KDM2A: variants seen among roughly 807,000 people sequenced by gnomAD.
KDM2A encodes the protein lysine-specific demethylase 2A.
In KDM2A, 3 loss-of-function variants were observed where a neutral mutation model predicts 137.3. The ratio of observed to expected loss-of-function variants is 0.02; its 90% CI spans 0.01 to 0.06. The LOEUF (loss-of-function observed/expected upper bound fraction) is 0.06. Ranked by LOEUF, KDM2A falls within the 10% of genes least tolerant of loss-of-function variation. The probability of loss-of-function intolerance (pLI) is 1.00; values close to 1 mark genes in which losing one functional copy is unlikely to be tolerated. For synonymous variants in KDM2A, 512 were observed against 541.5 expected, an observed-to-expected ratio of 0.95 and a Z score of 0.76; for missense variants, 738 against 1,510.6, an observed-to-expected ratio of 0.49 and a Z score of 8.48.
At chr11:67,223,893 G>T (rs1858448886) in intron 10 of KDM2A, among the ~76,000 whole-genome samples, 1 of 152,182 alleles carries the variant, frequency 6.6e-6, no homozygotes, top group East Asian at 1.9e-4. Context: ...CCTATTGGTT[G>T]TTGTCTCTCT....
chr11:67,203,521 A>G (rs1857710518), intron 5 of KDM2A, among the ~76,000 whole-genome samples: 1 of 147,794 alleles, frequency 6.8e-6, no homozygotes. Context: ...AATATAAAAT[A>G]TATAATAAAT....
At chr11:67,201,064 G>T (rs1224749213) in intron 5 of KDM2A, among the ~76,000 whole-genome samples, 1 of 151,784 alleles carries the variant, frequency 6.6e-6, no homozygotes, top group Non-Finnish European at 1.5e-5. Flanking sequence ...CGTGGTGGCG[G>T]GCGCTTGTAG....
At position 67,255,216 on chromosome 11, in the gene KDM2A, GGT is replaced by G; in HGVS notation, c.*163_*164del. The G allele has an allele frequency of 1.6e-6, 1 of 644,686 alleles. No individual in the cohort carries two copies. Among genetic ancestry groups the G allele is most frequent in the Non-Finnish European group, 2.7e-6 (1 of 374,410 alleles). The allele number at this position is 644,686 out of a possible 1,614,324, so 39.9% of individuals were successfully genotyped here. A position where few individuals can be genotyped will look rare whatever the true frequency, so the allele number is the denominator to read the frequency against. On this transcript the variant is annotated 3_prime_UTR_variant, in exon 21 of 21. Coordinates refer to ENST00000529006, the MANE Select transcript of KDM2A (RefSeq NM_012308.3). ...CCTCTACAGGTGGGGCAGAGAGGGT[GGT>G]GGACACCAGGCTTATCTGCCTGCTC...
chr11:67,227,712 AGGTGT>A (rs1428827557), intron 10 of KDM2A, among the ~76,000 whole-genome samples: 1 of 152,040 alleles, frequency 6.6e-6, no homozygotes, highest in Non-Finnish European at 1.5e-5. Flanking sequence ...TGGGATTACA[AGGTGT>A]GCACCACCAC....
At chr11:67,213,800 G>C (rs1159310630) in intron 6 of KDM2A, among the ~76,000 whole-genome samples, 2 of 150,708 alleles carry the variant, frequency 1.3e-5, no homozygotes, top group Non-Finnish European at 3.0e-5. Context: ...CATTATTTCA[G>C]ATTTTAAAAG....
At chr11:67,128,397 A>G (rs1178396365) in intron 2 of KDM2A, among the ~76,000 whole-genome samples, 1 of 151,080 alleles carries the variant, frequency 6.6e-6, no homozygotes. Context: ...TTTTTTTTCT[A>G]GTATGAAAGT....
intron 15 of KDM2A, among the ~76,000 whole-genome samples, chr11:67,246,471 C>T (rs1250746193): frequency 6.6e-6 from 1 of 151,904 alleles, no homozygotes. Context: ...CTTCAGTGTA[C>T]CTCTGGATAT....
chr11:67,170,936 A>G (rs1856868896), intron 2 of KDM2A, among the ~76,000 whole-genome samples: 1 of 152,212 alleles, frequency 6.6e-6, no homozygotes, highest in South Asian at 2.1e-4. Flanking sequence ...CCTGGGTTCT[A>G]GATCCTAGCC....
intron 10 of KDM2A, among the ~76,000 whole-genome samples, chr11:67,220,159 A>T (rs1345680114): frequency 6.6e-6 from 1 of 151,854 alleles, no homozygotes; most frequent in Non-Finnish European, 1.5e-5. Flanking sequence ...CTACAGGCAC[A>T]CGCCACCACA....
intron 5 of KDM2A, among the ~76,000 whole-genome samples, chr11:67,187,976 G>A (rs557505070): frequency 6.6e-6 from 1 of 151,988 alleles, no homozygotes; most frequent in East Asian, 1.9e-4. Context: ...AGGACTGCTT[G>A]AAGCCAGGAA....
chr11:67,206,306 C>T (rs1857803729), intron 5 of KDM2A, among the ~76,000 whole-genome samples: 1 of 152,202 alleles, frequency 6.6e-6, no homozygotes, highest in African/African-American at 2.4e-5. Context: ...TGGCACACGG[C>T]CATATTCCCA....
chr11:67,147,496 C>A (rs1158095516), intron 2 of KDM2A, among the ~76,000 whole-genome samples: 2 of 150,244 alleles, frequency 1.3e-5, no homozygotes, highest in Admixed American at 1.3e-4. Context: ...GAGCCGAGAT[C>A]GCGCCACTGC....
chr11:67,177,569 C>T (rs1006136547), intron 2 of KDM2A, among the ~76,000 whole-genome samples: 2 of 151,964 alleles, frequency 1.3e-5, no homozygotes, highest in African/African-American at 4.8e-5. Flanking sequence ...CACTGTCTTC[C>T]GCCTCCACAT....
At chr11:67,197,772 T>G (rs1239531354) in intron 5 of KDM2A, among the ~76,000 whole-genome samples, 2 of 152,152 alleles carry the variant, frequency 1.3e-5, no homozygotes, top group East Asian at 3.8e-4. Context: ...AAATGTGAAG[T>G]GCTTAGAACA....
chr11:67,132,319 C>T (rs145747026), intron 2 of KDM2A, among the ~76,000 whole-genome samples: 53 of 152,252 alleles, frequency 3.5e-4, no homozygotes, highest in African/African-American at 1.2e-3. Context: ...AGTCTCACTG[C>T]GATGTCCAGG....
intron 2 of KDM2A, among the ~76,000 whole-genome samples, chr11:67,162,560 C>T (rs1325558008): frequency 2.6e-5 from 4 of 152,070 alleles, no homozygotes; most frequent in Admixed American, 2.6e-4. Context: ...CATGCGCCAC[C>T]ACACCCAGCT....
At position 67,231,865 on chromosome 11, in the gene KDM2A, C is replaced by T. The variant is rs1565416374; in HGVS notation, c.1384C>T (p.Arg462Cys). ...GACCCATTTTGAGCTTGAAGGCCTT[C>T]GCTGCCTTGTAGATAAGTTGGAGTC... ...HLTHFELEGL[R>C]CLVDKLESLP... The change falls in exon 12 of 21, where the codon CGC (arginine) becomes TGC (cysteine). Residue 462 changes from arginine (R) to cysteine (C), a missense_variant. Around this residue, in one of 9 missense-constraint regions of KDM2A, gnomAD observed 71 missense variants for 147.9 expected, o/e 0.48. Transcript: ENST00000529006. 6 of 1,614,004 alleles carry T rather than the reference C, an allele frequency of 3.7e-6. No homozygotes were observed. The highest frequency in any genetic ancestry group is 4.2e-6 in the Non-Finnish European group (5 of 1,179,880).
chr11:67,235,240 T>G (rs937523251), intron 12 of KDM2A, among the ~76,000 whole-genome samples: 2 of 149,630 alleles, frequency 1.3e-5, no homozygotes, highest in African/African-American at 4.9e-5. Flanking sequence ...TTGGGAGGGG[T>G]TGTGGGTAAT....
At chr11:67,164,031 C>G (rs1856690411) in intron 2 of KDM2A, among the ~76,000 whole-genome samples, 1 of 152,074 alleles carries the variant, frequency 6.6e-6, no homozygotes, top group Non-Finnish European at 1.5e-5. Context: ...CTGGTCTGGA[C>G]CCTGCCACTA....
Sources: gnomAD v4.1 joint callset for allele counts (sites outside exome capture counted in the v4.1 genomes callset) on GRCh38, gnomAD v4.1.1 for gene constraint, gnomAD v4.1.1 regional missense constraint, MANE v1.5 for transcripts, NCBI Gene and HGNC (gene_info 2026-07-23, HGNC 2026-07-21) for gene names.